The following CYTH1 variants were observed in gnomAD, a reference collection of about 807,000 sequenced individuals.
CYTH1 encodes cytohesin 1.
In CYTH1, 18 loss-of-function variants were observed where a neutral mutation model predicts 61.8. The observed-to-expected ratio is 0.29, with a 90% CI of 0.20 to 0.43. The LOEUF (loss-of-function observed/expected upper bound fraction) is 0.43. CYTH1 is among the 20% of genes least tolerant of loss of function. The pLI, the probability that CYTH1 is intolerant of heterozygous loss-of-function variation, is 1.00. For missense variants in CYTH1, 336 were observed against 510.5 expected, an observed-to-expected ratio of 0.66 and a Z score of 3.29; for synonymous variants, 174 against 184.3, an observed-to-expected ratio of 0.94 and a Z score of 0.45.
At chr17:78,739,436 G>T (rs187235628) in intron 1 of CYTH1, among the ~76,000 whole-genome samples, 31 of 152,314 alleles carry the variant, frequency 2.0e-4, no homozygotes, top group African/African-American at 7.2e-4. Context: ...TGTGGAGTGG[G>T]GGAAGTGGAA....
chr17:78,748,473 C>A (rs6501243), intron 1 of CYTH1, among the ~76,000 whole-genome samples: 83,093 of 152,074 alleles, frequency 0.55, 22,773 homozygotes, highest in East Asian at 0.61. Context: ...TAACTGGATT[C>A]AAGGAATAAA....
At chr17:78,753,880 T>C (rs902637813) in intron 1 of CYTH1, among the ~76,000 whole-genome samples, 5 of 152,170 alleles carry the variant, frequency 3.3e-5, no homozygotes, top group Admixed American at 6.5e-5. Flanking sequence ...CCTTGCAGAA[T>C]TGTTCTAAAA....
intron 1 of CYTH1, among the ~76,000 whole-genome samples, chr17:78,744,516 G>T (rs561544010): frequency 7.9e-5 from 12 of 152,148 alleles, no homozygotes; most frequent in Non-Finnish European, 1.5e-4. Flanking sequence ...GCCTCTGCAG[G>T]CAGAAATCCA....
chr17:78,688,352 G>T (rs1009347611), intron 11 of CYTH1, among the ~76,000 whole-genome samples: 1 of 152,206 alleles, frequency 6.6e-6, no homozygotes, highest in South Asian at 2.1e-4. Context: ...TGTCACAGAA[G>T]AACAAGCATT....
intron 1 of CYTH1, among the ~76,000 whole-genome samples, chr17:78,767,037 A>C (rs1440522719): frequency 6.6e-6 from 1 of 152,204 alleles, no homozygotes; most frequent in South Asian, 2.1e-4. Flanking sequence ...AGAACTTACG[A>C]AAAATGTTCA....
chr17:78,684,553 C>A (rs1311622477), intron 11 of CYTH1, among the ~76,000 whole-genome samples: 2 of 152,158 alleles, frequency 1.3e-5, no homozygotes, highest in Non-Finnish European at 2.9e-5. Context: ...ATCACTGTTG[C>A]TGTAAAAATA....
Position 78,676,732 on chromosome 17 carries a change from C to T in CYTH1, c.1119-563G>A, listed in dbSNP as rs898428260. The T allele has an allele frequency of 1.8e-5, 6 of 337,218 alleles. No homozygotes were observed. In the Admixed American group the frequency reaches 2.5e-4, roughly 14 times the overall value. 20.9% of individuals were successfully genotyped at this position (337,218 alleles called of 1,614,324 possible). ...CCATGGACAGACCGGCTGGACCTGG[C>T]TGGGTCTCCGGTGCACAGGGAGGGG... On this transcript the variant is annotated intron_variant, in intron 13 of 13. Transcript: ENST00000446868.
rs370393556 is a variant in CYTH1 at position 78,760,355 on chromosome 17, T to TTA, written c.22+21845_22+21846dup. Reference sequence around the variant, plus strand: ...TCTGGCCTCTATCCAAATAGCAGGTTTATATATATATATATATATATATAT... The same window carrying TTA: ...TCTGGCCTCTATCCAAATAGCAGGTTTATATATATATATATATATATATATAT... On this transcript the variant is annotated intron_variant, in intron 1 of 13. Coordinates refer to ENST00000446868, the MANE Select transcript of CYTH1 (RefSeq NM_004762.6). Among the ~76,000 whole-genome samples the TTA allele has an allele frequency of 5.5e-3, 289 of 52,260 alleles. 10 individuals carry two copies. Among genetic ancestry groups the TTA allele is most frequent in the Non-Finnish European group, 8.6e-3 (229 of 26,480 alleles). The allele number at this position is 52,260 out of a possible 152,430, so 34.3% of individuals were successfully genotyped here.
At chr17:78,728,056 G>A (rs762648796) in intron 1 of CYTH1, 10 of 169,178 alleles carry the variant, frequency 5.9e-5, no homozygotes, top group Non-Finnish European at 1.2e-4. Context: ...TAGGTGGCAC[G>A]ATATAGTCAG....
chr17:78,744,072 A>G (rs1374333097), intron 1 of CYTH1, among the ~76,000 whole-genome samples: 2 of 152,252 alleles, frequency 1.3e-5, no homozygotes, highest in East Asian at 3.8e-4. Flanking sequence ...GGAATCTCAC[A>G]GTTAAATATA....
chr17:78,704,231 G>A (rs1021670183), intron 3 of CYTH1, among the ~76,000 whole-genome samples: 1 of 152,200 alleles, frequency 6.6e-6, no homozygotes, highest in Non-Finnish European at 1.5e-5. Context: ...ATGATCCCAT[G>A]TGTGGAGTCT....
intron 1 of CYTH1, among the ~76,000 whole-genome samples, chr17:78,769,208 C>T (rs768176230): frequency 3.3e-5 from 5 of 152,024 alleles, no homozygotes; most frequent in Non-Finnish European, 5.9e-5. Flanking sequence ...CTCATAGCTC[C>T]GTGTCCCACA....
chr17:78,731,146 G>T (rs2093292049), intron 1 of CYTH1, among the ~76,000 whole-genome samples: 1 of 152,154 alleles, frequency 6.6e-6, no homozygotes, highest in South Asian at 2.1e-4. Context: ...TGGAATATAT[G>T]AAGGCAGGAG....
chr17:78,700,740 GTCTCAAACT>G lies in CYTH1; in HGVS notation c.438-306_438-298del, dbSNP rs2093000089. Among the ~76,000 whole-genome samples, 1 of 152,064 alleles carries G rather than the reference GTCTCAAACT, an allele frequency of 6.6e-6. No homozygotes were observed. Among genetic ancestry groups the G allele is most frequent in the Non-Finnish European group, 1.5e-5 (1 of 68,010 alleles). The stretch of plus-strand genomic sequence containing the variant: ...GGGTTTCACCATGCTGGCCAGGCTG[GTCTCAAACT>G]CCTGGCCTCAAGTGATCCACCCGCC... On this transcript the variant is annotated intron_variant, in intron 6 of 13. Transcript: ENST00000446868. This position sits in a 1 kb window ranked among gnomAD's most constrained non-coding sequence, Gnocchi z 5.1.
chr17:78,731,145 T>C (rs1314513192), intron 1 of CYTH1, among the ~76,000 whole-genome samples: 1 of 152,182 alleles, frequency 6.6e-6, no homozygotes, highest in Non-Finnish European at 1.5e-5. Flanking sequence ...TTGGAATATA[T>C]GAAGGCAGGA....
In CYTH1 at chr17:78,698,942, T is replaced by C. The variant is rs141177293; in HGVS notation, c.577A>G (p.Ile193Val). Reference protein sequence around the residue: ...TDTCYVLSFAIIMLNTSLHNP... With the variant: ...TDTCYVLSFAVIMLNTSLHNP... Reference sequence around the variant, plus strand: ...TGCAGACTGGTGTTCAACATGATGATGGCAAAGGAGAGGACGTAACAAGTA... The same window carrying C: ...TGCAGACTGGTGTTCAACATGATGACGGCAAAGGAGAGGACGTAACAAGTA... Residue 193 changes from isoleucine to valine, a missense_variant, in exon 8 of 14, where the codon ATC (isoleucine) becomes GTC (valine). Ile to Val is a conservative substitution (Grantham distance 29, BLOSUM62 3). This residue lies in a region of CYTH1 where 125 missense variants were observed against 209.9 expected (regional missense o/e 0.60). Transcript: ENST00000446868. 88 of 1,611,268 alleles carry C rather than the reference T, an allele frequency of 5.5e-5. No individual in the cohort carries two copies. The highest frequency in any genetic ancestry group is 1.4e-5 in the Non-Finnish European group (17 of 1,179,084).
At chr17:78,763,805 C>T (rs985961307) in intron 1 of CYTH1, among the ~76,000 whole-genome samples, 1 of 152,130 alleles carries the variant, frequency 6.6e-6, no homozygotes, top group Non-Finnish European at 1.5e-5. Flanking sequence ...TTATTTGCTA[C>T]ACTCATCTTT....
Position 78,769,860 on chromosome 17 carries a change from T to C in CYTH1, c.22+12342A>G, listed in dbSNP as rs573721124. On this transcript the variant is annotated intron_variant, in intron 1 of 13. Transcript: ENST00000446868. The stretch of plus-strand genomic sequence containing the variant: ...AGTGAAACTCCGTCTCTACTAAAAA[T>C]ACAAAAATTGGCCAGGCACAGTGGC... Among the ~76,000 whole-genome samples the C allele has an allele frequency of 8.8e-4, 133 of 151,604 alleles. 2 individuals carry two copies. Among genetic ancestry groups the C allele is most frequent in the Admixed American group, 5.3e-3 (81 of 15,208 alleles).
intron 13 of CYTH1, chr17:78,677,203 C>T (rs554018455): frequency 7.5e-6 from 3 of 397,858 alleles, no homozygotes; most frequent in Non-Finnish European, 1.5e-5. Flanking sequence ...AATCTGGCGG[C>T]CGGGACACCT....
Sources: allele counts gnomAD v4.1 joint callset (sites outside exome capture counted in the v4.1 genomes callset), GRCh38; gene constraint gnomAD v4.1.1; regional missense constraint gnomAD v4.1.1; non-coding constraint Gnocchi (gnomAD v3.1); transcripts MANE v1.5; gene names NCBI Gene and HGNC (gene_info 2026-07-23, HGNC 2026-07-21).